EPHA6: variants seen among roughly 807,000 people sequenced by gnomAD.
EPHA6 encodes the protein EPH receptor A6.
EPHA6 carries 50 observed loss-of-function variants against 112.0 expected under a neutral mutation model. That is an observed-to-expected ratio of 0.45 (90% CI 0.36 to 0.56). The LOEUF is 0.56. Ranked by LOEUF, EPHA6 falls within the 20% of genes least tolerant of loss-of-function variation. EPHA6 has a pLI of 0.00. For synonymous variants in EPHA6, 529 were observed against 490.7 expected, an observed-to-expected ratio of 1.08 and a Z score of -1.03; for missense variants, 1,280 against 1,417.4, an observed-to-expected ratio of 0.90 and a Z score of 1.56.
chr3:97,562,376 T>A (rs2093204130), intron 11 of EPHA6, among the ~76,000 whole-genome samples: 1 of 152,176 alleles, frequency 6.6e-6, no homozygotes, highest in Non-Finnish European at 1.5e-5. Flanking sequence ...TGGAAGAAGT[T>A]AATTCCAGCT....
chr3:97,222,771 G>C (rs565899325), intron 3 of EPHA6, among the ~76,000 whole-genome samples: 145 of 152,316 alleles, frequency 9.5e-4, no homozygotes, highest in Admixed American at 1.8e-3. Context: ...AATTAAACAA[G>C]TATGTATCGA....
At chr3:96,834,561 G>GT (rs199729087) in intron 1 of EPHA6, among the ~76,000 whole-genome samples, 2 of 151,748 alleles carry the variant, frequency 1.3e-5, no homozygotes, top group African/African-American at 2.4e-5. Context: ...CCCTGTTGTT[G>GT]TTTTTTTTCC....
intron 16 of EPHA6, among the ~76,000 whole-genome samples, chr3:97,737,815 A>G (rs2035336423): frequency 6.6e-6 from 1 of 152,080 alleles, no homozygotes; most frequent in South Asian, 2.1e-4. Context: ...AAGAATGCAT[A>G]TAAATAGTGG....
intron 2 of EPHA6, among the ~76,000 whole-genome samples, chr3:96,961,819 G>C (rs1391722243): frequency 6.6e-6 from 1 of 152,138 alleles, no homozygotes; most frequent in Non-Finnish European, 1.5e-5. Flanking sequence ...CATACCAATT[G>C]TTTTAGTTGC....
Position 97,648,247 on chromosome 3 carries a change from T to C in EPHA6, c.2784+10165T>C, listed in dbSNP as rs763430542. 22 of 808,360 alleles carry C rather than the reference T, an allele frequency of 2.7e-5. No homozygotes were observed. The East Asian group carries it at 4.4e-4, about 16-fold the overall frequency. 50.1% of individuals were successfully genotyped at this position (808,360 alleles called of 1,614,324 possible). Reference sequence around the variant, plus strand: ...AATATATAATCTGCATAATTACAGTTCTGTTAACATCTTAATTCTGTTTAC... The same window carrying C: ...AATATATAATCTGCATAATTACAGTCCTGTTAACATCTTAATTCTGTTTAC... On this transcript the variant is annotated intron_variant, in intron 14 of 17. Coordinates refer to ENST00000389672, the MANE Select transcript of EPHA6 (RefSeq NM_001080448.3).
At chr3:97,605,999 G>T (rs1303029750) in intron 12 of EPHA6, among the ~76,000 whole-genome samples, 1 of 151,304 alleles carries the variant, frequency 6.6e-6, no homozygotes, top group South Asian at 2.1e-4. Flanking sequence ...GGAATAGGGT[G>T]AAGTAAAAGA....
Position 97,530,539 on chromosome 3 carries a change from CT to C in EPHA6, c.2201-1809del, listed in dbSNP as rs934031302. Among the ~76,000 whole-genome samples the C allele has an allele frequency of 1.1e-3, 161 of 147,120 alleles. 3 individuals carry two copies. The highest frequency in any genetic ancestry group is 8.0e-4 in the Non-Finnish European group (53 of 66,362). ...AAGCACAACTGAAAAACTACAACTT[CT>C]TTTTTTTTTCAGTGAAGTCAGGAAA... On this transcript the variant is annotated intron_variant, in intron 10 of 17. Transcript: ENST00000389672.
chr3:96,880,932 A>G (rs982743120), intron 2 of EPHA6, among the ~76,000 whole-genome samples: 1 of 152,146 alleles, frequency 6.6e-6, no homozygotes, highest in African/African-American at 2.4e-5. Context: ...ATATTAATGA[A>G]CATTTGGGCT....
At position 97,532,416 on chromosome 3, in the gene EPHA6, A is replaced by G. The variant is rs770427112; in HGVS notation, c.2259A>G (p.Pro753=). ...RLKTPGKREI[P]VAIKTLKGGH... is the part of the protein sequence containing the mutation. Reference sequence around the variant, plus strand: ...AGACACCAGGGAAAAGAGAGATCCCAGTTGCCATTAAAACTTTGAAAGGTG... The same window carrying G: ...AGACACCAGGGAAAAGAGAGATCCCGGTTGCCATTAAAACTTTGAAAGGTG... The change falls in exon 11 of 18, where the codon CCA becomes CCG. Residue 753 remains proline (P), a synonymous_variant. Coordinates refer to ENST00000389672, the MANE Select transcript of EPHA6 (RefSeq NM_001080448.3). The G allele has an allele frequency of 1.2e-6, 2 of 1,612,540 alleles. No homozygotes were observed. The highest frequency in any genetic ancestry group is 1.7e-6 in the Non-Finnish European group (2 of 1,178,970).
intron 11 of EPHA6, among the ~76,000 whole-genome samples, chr3:97,561,797 C>A (rs1205521457): frequency 1.3e-5 from 2 of 152,060 alleles, no homozygotes; most frequent in African/African-American, 4.8e-5. Context: ...TGGCTTCAAA[C>A]CTTCCAAGGA....
intron 3 of EPHA6, among the ~76,000 whole-genome samples, chr3:97,157,314 ATTAT>A (rs2076311583): frequency 6.6e-6 from 1 of 152,090 alleles, no homozygotes; most frequent in Non-Finnish European, 1.5e-5. Context: ...GCTTCCAGAT[ATTAT>A]CTGTTTTAAG....
chr3:97,161,898 G>A (rs1196688849), intron 3 of EPHA6, among the ~76,000 whole-genome samples: 1 of 152,190 alleles, frequency 6.6e-6, no homozygotes, highest in Non-Finnish European at 1.5e-5. Flanking sequence ...TATTACATGA[G>A]GCTGGAGAGA....
At chr3:97,376,300 G>C (rs772054407) in intron 5 of EPHA6, among the ~76,000 whole-genome samples, 3 of 151,962 alleles carry the variant, frequency 2.0e-5, no homozygotes, top group Non-Finnish European at 4.4e-5. Context: ...CTAAAGTACA[G>C]AATTACTTTT....
chr3:97,309,058 A>C (rs957360449), intron 5 of EPHA6, among the ~76,000 whole-genome samples: 1 of 151,762 alleles, frequency 6.6e-6, no homozygotes, highest in East Asian at 1.9e-4. Flanking sequence ...ATATCCTTGA[A>C]TGATTGATTT....
At chr3:97,721,995 C>T (rs889791741) in intron 15 of EPHA6, among the ~76,000 whole-genome samples, 5 of 152,158 alleles carry the variant, frequency 3.3e-5, no homozygotes, top group East Asian at 3.9e-4. Context: ...GCCTGCTTGT[C>T]CTATTTTAAC....
chr3:97,021,706 C>T (rs758415015), intron 3 of EPHA6, among the ~76,000 whole-genome samples: 1 of 152,148 alleles, frequency 6.6e-6, no homozygotes, highest in Non-Finnish European at 1.5e-5. Context: ...CTTATCAGGA[C>T]AACAATCCTA....
chr3:97,576,369 A>G (rs1180370849), intron 11 of EPHA6, among the ~76,000 whole-genome samples: 4 of 152,112 alleles, frequency 2.6e-5, no homozygotes, highest in African/African-American at 9.7e-5. Context: ...GGGTTTATCA[A>G]TGTCATCCAC....
At chr3:97,083,989 G>T (rs1409778135) in intron 3 of EPHA6, among the ~76,000 whole-genome samples, 1 of 150,852 alleles carries the variant, frequency 6.6e-6, no homozygotes, top group East Asian at 2.0e-4. Flanking sequence ...AAACAGTACA[G>T]TGAGTTAGCA....
chr3:97,498,500 G>A (rs2092037930), intron 10 of EPHA6, among the ~76,000 whole-genome samples: 1 of 152,142 alleles, frequency 6.6e-6, no homozygotes, highest in African/African-American at 2.4e-5. Context: ...AAGGGGTAGG[G>A]AAGAGAGTTA....
Sources: allele counts gnomAD v4.1 joint callset (sites outside exome capture counted in the v4.1 genomes callset), GRCh38; gene constraint gnomAD v4.1.1; transcripts MANE v1.5; gene names NCBI Gene and HGNC (gene_info 2026-07-23, HGNC 2026-07-21).